Variants in TCTN3 observed in about 807,000 individuals in gnomAD.
TCTN3 encodes tectonic-3.
A neutral mutation model predicts 71.3 loss-of-function variants in TCTN3; 57 were observed. The ratio of observed to expected loss-of-function variants is 0.80; its 90% CI spans 0.65 to 1.00. TCTN3 has a LOEUF of 1.00. Ranked by LOEUF, TCTN3 falls within the 50% of genes least tolerant of loss-of-function variation. The pLI, the probability that TCTN3 is intolerant of heterozygous loss-of-function variation, is 0.00. For missense variants in TCTN3, 696 were observed against 719.9 expected (o/e 0.97, Z 0.38); for synonymous variants, 258 against 267.8 (o/e 0.96, Z 0.36).
chr10:95,687,754 A>G, intron 3 of TCTN3, 35 bp from the exon 4 acceptor site: 1 of 1,588,892 alleles, frequency 6.3e-7, no homozygotes, highest in South Asian at 1.2e-5. Flanking sequence ...GCGTTTAGAT[A>G]AAAGAAAAAC....
intron 13 of TCTN3, among the ~76,000 whole-genome samples, chr10:95,670,804 A>G (rs1186397217): frequency 3.9e-5 from 6 of 152,168 alleles, no homozygotes; most frequent in African/African-American, 1.4e-4. Flanking sequence ...CTAGGAATAC[A>G]GGTGCATGCC....
At chr10:95,680,646 T>C in intron 12 of TCTN3, 37 bp from the exon 13 acceptor site, 1 of 1,602,986 alleles carries the variant, frequency 6.2e-7, no homozygotes, top group Non-Finnish European at 8.5e-7. Flanking sequence ...TTGAATTGCC[T>C]GATGGTTGCC....
chr10:95,687,179 G>C lies in TCTN3; in HGVS notation c.737-20C>G, dbSNP rs770579005. On this transcript the variant is annotated intron_variant, in intron 5 of 13. Transcript: ENST00000371217. ...GGAAACCTTAAACACAAATAATTAA[G>C]AGAGTGGTAAATGAGAAAGCCTGTT... 1.9e-6 allele frequency: 3 copies of C among 1,612,880 alleles called. No individual in the cohort carries two copies. Among genetic ancestry groups the C allele is most frequent in the Non-Finnish European group, 1.7e-6 (2 of 1,178,990 alleles).
chr10:95,686,633 G>T, intron 6 of TCTN3, 103 bp from the exon 7 acceptor site: 1 of 1,100,318 alleles, frequency 9.1e-7, no homozygotes, highest in Non-Finnish European at 1.4e-6. Context: ...TGGCGGGCAG[G>T]GGAGTCAATA....
chr10:95,680,912 G>C (rs528031245), intron 12 of TCTN3, among the ~76,000 whole-genome samples: 86 of 151,616 alleles, frequency 5.7e-4, no homozygotes, highest in African/African-American at 2.1e-3. Context: ...TCAAGTAGCT[G>C]GGATTACAGG....
At chr10:95,681,132 G>A (rs1045346657) in intron 12 of TCTN3, among the ~76,000 whole-genome samples, 4 of 150,902 alleles carry the variant, frequency 2.7e-5, no homozygotes, top group African/African-American at 9.8e-5. Context: ...CTGGAGTACA[G>A]TGGTGTGATT....
intron 13 of TCTN3, among the ~76,000 whole-genome samples, chr10:95,673,453 A>C (rs1212784861): frequency 1.3e-5 from 2 of 152,186 alleles, no homozygotes; most frequent in African/African-American, 4.8e-5. Context: ...AAAAAATTTC[A>C]ATAGTTTTTG....
At chr10:95,672,208 G>A (rs193110284) in intron 13 of TCTN3, among the ~76,000 whole-genome samples, 179 of 108,776 alleles carry the variant, frequency 1.6e-3, no homozygotes, top group Non-Finnish European at 2.8e-3. Flanking sequence ...TGTTTCTGAC[G>A]TTCATCTATG....
chr10:95,663,959 T>C lies in TCTN3; in HGVS notation c.*108A>G, dbSNP rs2097923776. ...ATTCCTTCAGTTAGGTCCTCTATTA[T>C]CCTAAATGCTCTCTGGTCATGAGCA... On this transcript the variant is annotated 3_prime_UTR_variant, in exon 14 of 14. Coordinates refer to ENST00000371217, the MANE Select transcript of TCTN3 (RefSeq NM_015631.6). 5.9e-6 allele frequency: 5 copies of C among 845,104 alleles called. No individual in the cohort carries two copies. The highest frequency in any genetic ancestry group is 9.7e-6 in the Non-Finnish European group (5 of 515,084). 52.4% of individuals were successfully genotyped at this position (845,104 alleles called of 1,614,324 possible).
intron 12 of TCTN3, among the ~76,000 whole-genome samples, chr10:95,681,724 TTACAA>T (rs2097943209): frequency 6.6e-6 from 1 of 152,168 alleles, no homozygotes; most frequent in African/African-American, 2.4e-5. Context: ...ATTTTTATAA[TTACAA>T]TAGAAAGAGC....
chr10:95,684,117 G>C lies in TCTN3; in HGVS notation c.1095+382C>G, dbSNP rs1042830960. On this transcript the variant is annotated intron_variant, in intron 9 of 13. Transcript: ENST00000371217. ...CAGAAAGCCAAATGGCAGTGATTAA[G>C]AGTGAACACTCAGATTAAGTGGGAA... Among the ~76,000 whole-genome samples, 3 of 152,204 alleles carry C rather than the reference G, an allele frequency of 2.0e-5. 1 individual carries two copies. Among genetic ancestry groups the C allele is most frequent in the Admixed American group, 2.0e-4 (3 of 15,276 alleles).
Position 95,685,634 on chromosome 10 carries a change from G to T in TCTN3, c.891C>A (p.Phe297Leu). 6.4e-7 allele frequency: 1 copy of T among 1,551,056 alleles called. No individual in the cohort carries two copies. Among genetic ancestry groups the T allele is most frequent in the Non-Finnish European group, 8.7e-7 (1 of 1,146,594 alleles). ...RSMTDPQNME[F>L]QVPVILTSQA... ...GTGAGGTAAGTATTACAGGAACCTG[G>T]AACTAGCAACGAAAAGAAGCAAATT... Residue 297 changes from phenylalanine (F) to leucine (L), a missense_variant and splice_region_variant, in exon 8 of 14, where the codon TTC (phenylalanine) becomes TTA (leucine). Transcript: ENST00000371217.
intron 3 of TCTN3, among the ~76,000 whole-genome samples, chr10:95,691,601 T>A (rs1192181549): frequency 6.6e-5 from 10 of 152,200 alleles, no homozygotes; most frequent in African/African-American, 2.4e-4. Context: ...AGTTTTGCAA[T>A]TCTTATTAAC....
At chr10:95,674,759 T>A (rs1479200275) in intron 13 of TCTN3, among the ~76,000 whole-genome samples, 1 of 152,188 alleles carries the variant, frequency 6.6e-6, no homozygotes, top group South Asian at 2.1e-4. Flanking sequence ...TTATGAATGT[T>A]AGACTTTATT....
At chr10:95,677,474 GTT>G (rs10654251) in intron 13 of TCTN3, among the ~76,000 whole-genome samples, 1 of 80,738 alleles carries the variant, frequency 1.2e-5, no homozygotes, top group Non-Finnish European at 3.0e-5. Context: ...GAAGTCTACA[GTT>G]TTTTTTGTTT....
At position 95,683,191 on chromosome 10, in the gene TCTN3, G is replaced by T; in HGVS notation, c.1208C>A (p.Thr403Asn). 6.2e-7 allele frequency: 1 copy of T among 1,613,268 alleles called. No homozygotes were observed. Among genetic ancestry groups the T allele is most frequent in the Non-Finnish European group, 8.5e-7 (1 of 1,179,638 alleles). ...ALTDDISYSM[T>N]LLQSQGNGSC... ...TCCATTACCCTGGCTCTGTAAGAGG[G>T]TCATCCAAGGTGGAAAAGTGATGAT... Residue 403 changes from threonine to asparagine, a missense_variant, in exon 11 of 14, where the codon ACC becomes AAC. Transcript: ENST00000371217.
At chr10:95,676,833 A>G (rs1055596827) in intron 13 of TCTN3, among the ~76,000 whole-genome samples, 5 of 152,240 alleles carry the variant, frequency 3.3e-5, no homozygotes, top group Non-Finnish European at 7.3e-5. Flanking sequence ...AATATATACT[A>G]CGTACCAGGA....
intron 12 of TCTN3, among the ~76,000 whole-genome samples, chr10:95,680,979 T>G (rs1213947029): frequency 1.3e-5 from 2 of 151,924 alleles, no homozygotes; most frequent in African/African-American, 2.4e-5. Flanking sequence ...GGTTTCACCA[T>G]GTTGGCCAGG....
At chr10:95,691,479 C>T (rs2097953467) in intron 3 of TCTN3, among the ~76,000 whole-genome samples, 1 of 152,146 alleles carries the variant, frequency 6.6e-6, no homozygotes, top group African/African-American at 2.4e-5. Flanking sequence ...ATGAAGTATT[C>T]ATCTTGTTCC....
Sources: allele counts gnomAD v4.1 joint callset (sites outside exome capture counted in the v4.1 genomes callset), GRCh38; gene constraint gnomAD v4.1.1; transcripts MANE v1.5; gene names NCBI Gene and HGNC (gene_info 2026-07-23, HGNC 2026-07-21).